GARIN2: variants seen among roughly 807,000 people sequenced by gnomAD.
GARIN2 encodes the protein Golgi-associated RAB2 interactor protein 2.
chr14:67,201,795 A>G, the GARIN2 span: 2 of 263,016 alleles, frequency 7.6e-6, no homozygotes, highest in African/African-American at 4.6e-5. Context: ...TCAATGATGT[A>G]TTTTTTAATT....
the GARIN2 span, chr14:67,203,369 C>A: frequency 8.0e-7 from 1 of 1,249,234 alleles, no homozygotes; most frequent in South Asian, 1.6e-5. Flanking sequence ...AACGGAAACA[C>A]TGATGACAAT....
the GARIN2 span, among the ~76,000 whole-genome samples, chr14:67,212,298 G>T: frequency 4.6e-5 from 7 of 151,718 alleles, no homozygotes; most frequent in Admixed American, 4.6e-4. Flanking sequence ...CTTTAAAATG[G>T]CTCCTCTGAC....
chr14:67,202,312 G>A, the GARIN2 span, among the ~76,000 whole-genome samples: 6 of 152,110 alleles, frequency 3.9e-5, no homozygotes, highest in East Asian at 1.9e-4. Flanking sequence ...TTGGTGGCAT[G>A]TGCCTGTAAT....
the GARIN2 span, among the ~76,000 whole-genome samples, chr14:67,210,495 G>A: frequency 6.6e-6 from 1 of 152,072 alleles, no homozygotes; most frequent in Non-Finnish European, 1.5e-5. Context: ...AGCTGGAAAA[G>A]CAAAATTCCA....
the GARIN2 span, among the ~76,000 whole-genome samples, chr14:67,212,027 A>G: frequency 5.3e-5 from 8 of 152,180 alleles, no homozygotes; most frequent in African/African-American, 1.7e-4. Context: ...CTTATAATGT[A>G]ATCTTAACCA....
the GARIN2 span, among the ~76,000 whole-genome samples, chr14:67,215,921 C>A: frequency 6.6e-6 from 1 of 152,098 alleles, no homozygotes; most frequent in Non-Finnish European, 1.5e-5. Flanking sequence ...TTTCCTTGCC[C>A]AAAACAAATG....
chr14:67,208,656 G>A, the GARIN2 span, among the ~76,000 whole-genome samples: 2 of 152,080 alleles, frequency 1.3e-5, no homozygotes, highest in Non-Finnish European at 2.9e-5. Flanking sequence ...AACTTGTCAC[G>A]TTACTCAGCT....
chr14:67,190,889 A>G, the GARIN2 span, among the ~76,000 whole-genome samples: 1 of 152,232 alleles, frequency 6.6e-6, no homozygotes, highest in East Asian at 1.9e-4. Context: ...CAAAGCTCCA[A>G]GGAGCACAGA....
the GARIN2 span, among the ~76,000 whole-genome samples, chr14:67,198,595 G>A: frequency 7.9e-5 from 12 of 152,122 alleles, no homozygotes; most frequent in South Asian, 4.1e-4. Flanking sequence ...ACATGAAGCC[G>A]TTTTTGGCAT....
chr14:67,205,673 G>C, the GARIN2 span, among the ~76,000 whole-genome samples: 1 of 152,152 alleles, frequency 6.6e-6, no homozygotes, highest in Non-Finnish European at 1.5e-5. Context: ...AATATATGTG[G>C]AGAATAGTAG....
the GARIN2 span, among the ~76,000 whole-genome samples, chr14:67,227,073 C>A: frequency 6.6e-6 from 1 of 152,176 alleles, no homozygotes. Context: ...ATTAGGGTCT[C>A]ATTAACAGAG....
chr14:67,196,223 C>CTTTTTTTTTTTTTTTTTT, the GARIN2 span, among the ~76,000 whole-genome samples: 1 of 143,118 alleles, frequency 7.0e-6, no homozygotes, highest in Non-Finnish European at 1.5e-5. Context: ...TTCTTTCTTT[C>CTTTTTTTTTTTTTTTTTT]TTTTTTTTTT....
At chr14:67,191,894 A>G in the GARIN2 span, among the ~76,000 whole-genome samples, 3 of 152,336 alleles carry the variant, frequency 2.0e-5, no homozygotes, top group African/African-American at 7.2e-5. Context: ...TGAAAACTAT[A>G]CTGTAATTCT....
chr14:67,226,054 G>C, the GARIN2 span, among the ~76,000 whole-genome samples: 13 of 152,036 alleles, frequency 8.6e-5, no homozygotes, highest in Non-Finnish European at 1.5e-4. Context: ...GGGTGGCCTG[G>C]GCAGTAACCC....
chr14:67,224,603 C>G, the GARIN2 span: 1 of 265,138 alleles, frequency 3.8e-6, no homozygotes, highest in South Asian at 3.5e-5. Context: ...CCTTTCTAGG[C>G]TTTATTCTCC....
the GARIN2 span, chr14:67,203,045 A>G: frequency 5.7e-6 from 9 of 1,576,498 alleles, no homozygotes; most frequent in African/African-American, 1.1e-4. Flanking sequence ...AAGGTTGTCA[A>G]AGCCACACAT....
At chr14:67,213,338 T>C in the GARIN2 span, among the ~76,000 whole-genome samples, 22,660 of 111,064 alleles carry the variant, frequency 0.2, 3,328 homozygotes, top group East Asian at 0.45. Flanking sequence ...CAACAGTCCC[T>C]GGAGTGTGAT....
chr14:67,194,606 A>G, the GARIN2 span, among the ~76,000 whole-genome samples: 1 of 152,088 alleles, frequency 6.6e-6, no homozygotes. Flanking sequence ...CCCGGGTTCA[A>G]GAGATTCTCC....
the GARIN2 span, among the ~76,000 whole-genome samples, chr14:67,202,396 AC>A: frequency 1.3e-5 from 2 of 152,152 alleles, no homozygotes; most frequent in Admixed American, 1.3e-4. Context: ...AGCCGAGATC[AC>A]CCATGGCACT....
Sources: allele counts gnomAD v4.1 joint callset (sites outside exome capture counted in the v4.1 genomes callset), GRCh38; gene constraint gnomAD v4.1.1; transcripts MANE v1.5; gene names NCBI Gene and HGNC (gene_info 2026-07-23, HGNC 2026-07-21).